Variants in SERPINI1 observed in about 807,000 individuals in gnomAD.
SERPINI1 encodes serpin family I member 1.
In SERPINI1, 19 loss-of-function variants were observed where a neutral mutation model predicts 41.1. The ratio of observed to expected loss-of-function variants is 0.46; its 90% CI spans 0.32 to 0.68. The LOEUF is 0.68. Ranked by LOEUF, SERPINI1 falls within the 30% of genes least tolerant of loss-of-function variation. The pLI is 0.03. For missense variants in SERPINI1, 460 were observed against 479.2 expected, an observed-to-expected ratio of 0.96 and a Z score of 0.37; for synonymous variants, 138 against 156.6, an observed-to-expected ratio of 0.88 and a Z score of 0.89.
At chr3:167,822,297 G>A (rs1712361973) in intron 6 of SERPINI1, among the ~76,000 whole-genome samples, 1 of 152,104 alleles carries the variant, frequency 6.6e-6, no homozygotes, top group Admixed American at 6.5e-5. Context: ...TGGGGGTTAT[G>A]ACTTTAACAT....
At chr3:167,792,388 C>T (rs13080462) in intron 3 of SERPINI1, among the ~76,000 whole-genome samples, 14 of 148,330 alleles carry the variant, frequency 9.4e-5, no homozygotes, top group African/African-American at 1.5e-4. Context: ...TACACACACA[C>T]ATATATATAT....
At chr3:167,805,962 C>T (rs1711616113) in intron 5 of SERPINI1, among the ~76,000 whole-genome samples, 1 of 151,834 alleles carries the variant, frequency 6.6e-6, no homozygotes, top group Admixed American at 6.6e-5. Flanking sequence ...CCCAGCAATC[C>T]CATTACTAGG....
chr3:167,815,972 G>T (rs765722499), intron 6 of SERPINI1, among the ~76,000 whole-genome samples: 11 of 152,108 alleles, frequency 7.2e-5, no homozygotes, highest in Non-Finnish European at 1.6e-4. Context: ...CCTCTCTGCT[G>T]CTGTTGTCAA....
At chr3:167,797,685 T>C (rs1043022360) in intron 5 of SERPINI1, among the ~76,000 whole-genome samples, 2 of 151,894 alleles carry the variant, frequency 1.3e-5, no homozygotes, top group Non-Finnish European at 2.9e-5. Context: ...TATGTAGAAA[T>C]ATTCCATTAT....
chr3:167,774,078 G>T (rs993229833), intron 1 of SERPINI1, among the ~76,000 whole-genome samples: 4 of 151,994 alleles, frequency 2.6e-5, no homozygotes, highest in African/African-American at 9.7e-5. Flanking sequence ...AAATAATAAA[G>T]ATTTTTTTCC....
rs538738336 is a variant in SERPINI1, at chr3:167,818,293, G to T, written c.980-4693G>T. On this transcript the variant is annotated intron_variant, in intron 6 of 8. Coordinates refer to ENST00000446050, the MANE Select transcript of SERPINI1 (RefSeq NM_001122752.2). ...TCTGCCCACCTTAGCCTCCCAAAGT[G>T]CTGGGATTACAGGTGTGAGCCACCG... Among the ~76,000 whole-genome samples the T allele has an allele frequency of 1.0e-3, 153 of 152,132 alleles. 1 individual carries two copies. The highest frequency in any genetic ancestry group is 3.5e-3 in the African/African-American group (145 of 41,492).
intron 1 of SERPINI1, among the ~76,000 whole-genome samples, chr3:167,765,420 C>T (rs917241043): frequency 2.0e-5 from 3 of 152,212 alleles, no homozygotes; most frequent in African/African-American, 4.8e-5. Flanking sequence ...TACATTGTCC[C>T]CTTTCAGCCA....
At chr3:167,809,891 T>C (rs1023445613) in intron 6 of SERPINI1, among the ~76,000 whole-genome samples, 1 of 152,102 alleles carries the variant, frequency 6.6e-6, no homozygotes. Flanking sequence ...CATTCTCAAA[T>C]ACCACCCCAT....
At chr3:167,783,709 CAGG>C (rs1317613676) in intron 1 of SERPINI1, among the ~76,000 whole-genome samples, 1 of 152,144 alleles carries the variant, frequency 6.6e-6, no homozygotes, top group Non-Finnish European at 1.5e-5. Flanking sequence ...ACCCAACATT[CAGG>C]AGAAGTCAGA....
chr3:167,756,655 C>T (rs944321970), intron 1 of SERPINI1, among the ~76,000 whole-genome samples: 2 of 152,056 alleles, frequency 1.3e-5, no homozygotes, highest in Non-Finnish European at 2.9e-5. Context: ...CATGTCTAGC[C>T]ATTAGTTAAA....
intron 4 of SERPINI1, among the ~76,000 whole-genome samples, chr3:167,793,831 C>CGTGTGT (rs753115772): frequency 0.035 from 3,845 of 110,436 alleles, 80 homozygotes; most frequent in Non-Finnish European, 0.046. Flanking sequence ...TCATTTTGGC[C>CGTGTGT]ATATGTATGT....
At chr3:167,740,613 C>T (rs775565543) in intron 1 of SERPINI1, among the ~76,000 whole-genome samples, 5 of 152,190 alleles carry the variant, frequency 3.3e-5, no homozygotes, top group Non-Finnish European at 5.9e-5. Flanking sequence ...CCTCTGCCAA[C>T]AACGGTTGCT....
intron 1 of SERPINI1, among the ~76,000 whole-genome samples, chr3:167,740,978 G>A (rs2108528674): frequency 6.6e-6 from 1 of 152,332 alleles, no homozygotes; most frequent in South Asian, 2.1e-4. Context: ...CATTTTCAGT[G>A]AAAAGGCTGC....
rs574532037 is a variant in SERPINI1 at position 167,787,421 on chromosome 3, C to G, written c.-18-1690C>G. Among the ~76,000 whole-genome samples, 3 of 152,286 alleles carry G rather than the reference C, an allele frequency of 2.0e-5. No individual in the cohort carries two copies. In the South Asian group the frequency reaches 6.2e-4, roughly 32 times the overall value. On this transcript the variant is annotated intron_variant, in intron 1 of 8. Transcript: ENST00000446050. ...TGCAGTACAGTAGGTTTGTTTAAAC[C>G]TATCACATGCGTCACCACGAGTAAA...
At chr3:167,793,454 C>T (rs1727594006) in intron 4 of SERPINI1, among the ~76,000 whole-genome samples, 1 of 151,676 alleles carries the variant, frequency 6.6e-6, no homozygotes, top group Non-Finnish European at 1.5e-5. Flanking sequence ...AAGCACAGTA[C>T]AGGCCAGCTG....
intron 5 of SERPINI1, among the ~76,000 whole-genome samples, chr3:167,805,115 T>A (rs1056733053): frequency 5.3e-5 from 8 of 152,086 alleles, no homozygotes; most frequent in African/African-American, 1.9e-4. Flanking sequence ...AGACCCATGA[T>A]TCTTTTGTTT....
At chr3:167,806,963 C>G (rs530043644) in intron 5 of SERPINI1, among the ~76,000 whole-genome samples, 1 of 152,154 alleles carries the variant, frequency 6.6e-6, no homozygotes, top group Admixed American at 6.5e-5. Context: ...GGTAATGATA[C>G]TTGATCTCAA....
intron 5 of SERPINI1, among the ~76,000 whole-genome samples, chr3:167,804,792 G>A (rs190359830): frequency 5.3e-5 from 8 of 152,242 alleles, no homozygotes; most frequent in African/African-American, 1.4e-4. Context: ...GCAGTGAGGT[G>A]TGATCATGCC....
At chr3:167,763,357 T>TTGTG (rs35578479) in intron 1 of SERPINI1, among the ~76,000 whole-genome samples, 5,076 of 147,654 alleles carry the variant, frequency 0.034, 137 homozygotes, top group African/African-American at 0.065. Context: ...AACCACAGTT[T>TTGTG]TGTGTGTGTG....
Sources: gnomAD v4.1 joint callset for allele counts (sites outside exome capture counted in the v4.1 genomes callset) on GRCh38, gnomAD v4.1.1 for gene constraint, MANE v1.5 for transcripts, NCBI Gene and HGNC (gene_info 2026-07-23, HGNC 2026-07-21) for gene names.